Variants in JRK observed in about 807,000 individuals in gnomAD.
JRK encodes the protein jerky protein homolog.
For missense variants in JRK, 720 were observed against 509.2 expected (o/e 1.41, Z -3.98); for synonymous variants, 303 against 218.1 (o/e 1.39, Z -3.43).
chr8:142,661,085 C>T lies in JRK; in HGVS notation c.*3267G>A. 8 of 985,460 alleles carry T rather than the reference C, an allele frequency of 8.1e-6. No individual in the cohort carries two copies. Among genetic ancestry groups the T allele is most frequent in the African/African-American group, 1.7e-5 (1 of 57,360 alleles). 61.0% of individuals were successfully genotyped at this position (985,460 alleles called of 1,614,324 possible). A position where few individuals can be genotyped will look rare whatever the true frequency, so the allele number is the denominator to read the frequency against. ...GGGGCAGTCCAGGTGCTCTCCATCGCATGCTCAGCCATGGCTGAGCACGAA... is the reference window on the plus strand; with the variant it reads ...GGGGCAGTCCAGGTGCTCTCCATCGTATGCTCAGCCATGGCTGAGCACGAA... On this transcript the variant is annotated 3_prime_UTR_variant, in exon 2 of 2. Coordinates refer to ENST00000612905, the MANE Select transcript of JRK (RefSeq NM_003724.4).
intron 1 of JRK, among the ~76,000 whole-genome samples, chr8:142,667,819 C>T (rs1160912735): frequency 6.6e-6 from 1 of 152,208 alleles, no homozygotes; most frequent in Non-Finnish European, 1.5e-5. Context: ...GCGGGTCATT[C>T]TCATCCCTTC....
At position 142,664,425 on chromosome 8, in the gene JRK, T is replaced by G; in HGVS notation, c.1634A>C (p.Gln545Pro). 1 of 1,608,218 alleles carries G rather than the reference T, an allele frequency of 6.2e-7. No individual in the cohort carries two copies. Among genetic ancestry groups the G allele is most frequent in the Non-Finnish European group, 8.5e-7 (1 of 1,176,318 alleles). ...GGCCCCACAGCCACCAGGGCCCTCCTGGAGGGCTTCAACCTTGACCACAGC... is the reference window on the plus strand; with the variant it reads ...GGCCCCACAGCCACCAGGGCCCTCCGGGAGGGCTTCAACCTTGACCACAGC... ...LGAVVKVEAL[Q>P]EGPGGCGATA... Residue 545 changes from glutamine (Q) to proline (P), a missense_variant, in exon 2 of 2, where the codon CAG becomes CCG. By Grantham distance (76) the Gln-to-Pro change is moderately conservative. Transcript: ENST00000612905.
At chr8:142,667,432 GACACACACACACAC>G (rs59385009) in intron 1 of JRK, among the ~76,000 whole-genome samples, 70 of 146,932 alleles carry the variant, frequency 4.8e-4, no homozygotes, top group African/African-American at 1.1e-3. Flanking sequence ...CGGACACGGA[GACACACACACACAC>G]ACACACACAC....
At position 142,660,085 on chromosome 8, in the gene JRK, A is replaced by G. The variant is rs892153884; in HGVS notation, c.*4267T>C. On this transcript the variant is annotated 3_prime_UTR_variant, in exon 2 of 2. Coordinates refer to ENST00000612905, the MANE Select transcript of JRK (RefSeq NM_003724.4). ...GCAGCTCCTGGCCCTGCGGACAGCCAGGCCTGGGGTCTACAAGAGCTGGGC... is the reference window on the plus strand; with the variant it reads ...GCAGCTCCTGGCCCTGCGGACAGCCGGGCCTGGGGTCTACAAGAGCTGGGC... 2.9e-5 allele frequency: 29 copies of G among 985,590 alleles called. No homozygotes were observed. Among genetic ancestry groups the G allele is most frequent in the Non-Finnish European group, 3.0e-5 (25 of 830,114 alleles). 61.1% of individuals were successfully genotyped at this position (985,590 alleles called of 1,614,324 possible).
At chr8:142,654,801 C>T (rs587680425), downstream of JRK, among the ~76,000 whole-genome samples, 67 of 152,062 alleles carry the variant, frequency 4.4e-4, no homozygotes, top group African/African-American at 1.5e-3. Context: ...TGATTTGCTG[C>T]AGCCAAGAGC....
chr8:142,665,189 T>C lies in JRK; in HGVS notation c.870A>G (p.Glu290=), dbSNP rs956215130. The change falls in exon 2 of 2, where the codon GAA becomes GAG. Residue 290 remains glutamate, a synonymous_variant. Transcript: ENST00000612905. ...REHFRTIGLP[E]DSKAVLLLDS... Reference sequence around the variant, plus strand: ...CCAGCAAGAGAACGGCTTTGCTGTCTTCCGGCAAACCTATGGTTCTGAAGT... The same window carrying C: ...CCAGCAAGAGAACGGCTTTGCTGTCCTCCGGCAAACCTATGGTTCTGAAGT... The C allele has an allele frequency of 8.4e-6, 6 of 717,800 alleles. No homozygotes were observed. Among genetic ancestry groups the C allele is most frequent in the Non-Finnish European group, 1.6e-5 (6 of 385,102 alleles). The allele number at this position is 717,800 out of a possible 1,614,324, so 44.5% of individuals were successfully genotyped here. A position where few individuals can be genotyped will look rare whatever the true frequency, so the allele number is the denominator to read the frequency against.
chr8:142,663,836 C>A lies in JRK; in HGVS notation c.*516G>T. On this transcript the variant is annotated 3_prime_UTR_variant, in exon 2 of 2. Coordinates refer to ENST00000612905, the MANE Select transcript of JRK (RefSeq NM_003724.4). ...AACTGAGTCCCAGCTCTCGGGCCAT[C>A]GGACCTCAGGCAACCGTGCTCGGGG... is the stretch of plus-strand genomic sequence containing the variant. 1 of 987,184 alleles carries A rather than the reference C, an allele frequency of 1.0e-6. No individual in the cohort carries two copies. Among genetic ancestry groups the A allele is most frequent in the South Asian group, 4.7e-5 (1 of 21,330 alleles). The allele number at this position is 987,184 out of a possible 1,614,324, so 61.2% of individuals were successfully genotyped here.
chr8:142,666,193 C>T lies in JRK; in HGVS notation c.-135G>A. On this transcript the variant is annotated 5_prime_UTR_variant, in exon 2 of 2. Coordinates refer to ENST00000612905, the MANE Select transcript of JRK (RefSeq NM_003724.4). Reference sequence around the variant, plus strand: ...CACTCTGCCTGCCTGCTCTGCTGATCCTGAGCACAGGCCCCAGTCCCTCTC... The same window carrying T: ...CACTCTGCCTGCCTGCTCTGCTGATTCTGAGCACAGGCCCCAGTCCCTCTC... 3 of 1,461,836 alleles carry T rather than the reference C, an allele frequency of 2.1e-6. No individual in the cohort carries two copies. The highest frequency in any genetic ancestry group is 2.8e-6 in the Non-Finnish European group (3 of 1,072,648). The allele number at this position is 1,461,836 out of a possible 1,614,324, so 90.6% of individuals were successfully genotyped here.
rs104894081 is a variant in JRK at position 142,664,692 on chromosome 8, G to A, written c.1367C>T (p.Thr456Met). The A allele has an allele frequency of 7.6e-4, 1,225 of 1,609,526 alleles. No homozygotes were observed. The highest frequency in any genetic ancestry group is 9.5e-4 in the Non-Finnish European group (1,124 of 1,178,444). Residue 456 changes from threonine to methionine, a missense_variant, in exon 2 of 2, where the codon ACG becomes ATG. Thr to Met is a moderately conservative substitution (Grantham distance 81). Coordinates refer to ENST00000612905, the MANE Select transcript of JRK (RefSeq NM_003724.4). ...ACTCCACACAACCTCTGCTGGCGAC[G>A]TGGCAGCAGGGGGCCGTCCCCCTTC... Reference protein sequence around the residue: ...EAEGGRPPAATSPAEVVWSSE... With the variant: ...EAEGGRPPAAMSPAEVVWSSE...
rs1201129822 is a variant in JRK at position 142,661,052 on chromosome 8, C to T, written c.*3300G>A. 1.6e-5 allele frequency: 16 copies of T among 985,256 alleles called. No individual in the cohort carries two copies. Among genetic ancestry groups the T allele is most frequent in the African/African-American group, 8.7e-5 (5 of 57,214 alleles). 61.0% of individuals were successfully genotyped at this position (985,256 alleles called of 1,614,324 possible). A position where few individuals can be genotyped will look rare whatever the true frequency, so the allele number is the denominator to read the frequency against. On this transcript the variant is annotated 3_prime_UTR_variant, in exon 2 of 2. Coordinates refer to ENST00000612905, the MANE Select transcript of JRK (RefSeq NM_003724.4). ...CCCACTGGATAAGAACAGTGGCCTG[C>T]GACGTCAGGGGCAGTCCAGGTGCTC...
Position 142,664,685 on chromosome 8 carries a change from T to C in JRK, c.1374A>G (p.Pro458=). The C allele has an allele frequency of 6.2e-7, 1 of 1,610,480 alleles. No homozygotes were observed. Among genetic ancestry groups the C allele is most frequent in the Non-Finnish European group, 8.5e-7 (1 of 1,178,802 alleles). ...TTTCTGAACTCCACACAACCTCTGC[T>C]GGCGACGTGGCAGCAGGGGGCCGTC... ...EGGRPPAATS[P]AEVVWSSEKT... Residue 458 remains proline (P), a synonymous_variant, in exon 2 of 2, where the codon CCA becomes CCG. Coordinates refer to ENST00000612905, the MANE Select transcript of JRK (RefSeq NM_003724.4).
chr8:142,653,797 G>A (rs587715692), downstream of JRK, among the ~76,000 whole-genome samples: 1 of 152,174 alleles, frequency 6.6e-6, no homozygotes, highest in African/African-American at 2.4e-5. Flanking sequence ...CCCTATGATT[G>A]CATCCCTAGC....
At chr8:142,668,273 C>T (rs587751014) in intron 1 of JRK, among the ~76,000 whole-genome samples, 3 of 152,362 alleles carry the variant, frequency 2.0e-5, no homozygotes, top group African/African-American at 4.8e-5. Context: ...AGGAGGAGTG[C>T]AATCAAATGC....
chr8:142,658,656 G>GC lies in JRK; in HGVS notation c.*5695dup. The stretch of plus-strand genomic sequence containing the variant: ...ACCTAAGCCTAGTCACCTCCCAAAG[G>GC]CCCCACCTCCTAATACCACCCTCCT... On this transcript the variant is annotated 3_prime_UTR_variant, in exon 2 of 2. Transcript: ENST00000612905. 1.2e-6 allele frequency: 1 copy of GC among 850,736 alleles called. No homozygotes were observed. The highest frequency in any genetic ancestry group is 1.7e-6 in the Non-Finnish European group (1 of 597,548). The allele number at this position is 850,736 out of a possible 1,614,324, so 52.7% of individuals were successfully genotyped here. A position where few individuals can be genotyped will look rare whatever the true frequency, so the allele number is the denominator to read the frequency against.
chr8:142,666,020 C>A lies in JRK; in HGVS notation c.39G>T (p.Glu13Asp). The change falls in exon 2 of 2, where the codon GAG becomes GAT. Residue 13 changes from glutamate (E) to aspartate (D), a missense_variant. Transcript: ENST00000612905. ...GTGTCAGCACCACCCTCTTCCGCTTCTCCCCTCTGCTCTTCCCGGCAGCCG... is the reference window on the plus strand; with the variant it reads ...GTGTCAGCACCACCCTCTTCCGCTTATCCCCTCTGCTCTTCCCGGCAGCCG... ...SKPAAGKSRGEKRKRVVLTLK... is the reference protein window; with the variant it reads ...SKPAAGKSRGDKRKRVVLTLK... 3 of 1,508,124 alleles carry A rather than the reference C, an allele frequency of 2.0e-6. No homozygotes were observed. Among genetic ancestry groups the A allele is most frequent in the East Asian group, 2.3e-5 (1 of 44,366 alleles). The allele number at this position is 1,508,124 out of a possible 1,614,324, so 93.4% of individuals were successfully genotyped here.
chr8:142,649,517 C>T, the JRK span, among the ~76,000 whole-genome samples: 1 of 152,226 alleles, frequency 6.6e-6, no homozygotes, highest in African/African-American at 2.4e-5. Context: ...GTGACTTGCT[C>T]CTCGTTCCAT....
In JRK at chr8:142,664,789, C is replaced by A; in HGVS notation, c.1270G>T (p.Glu424Ter). ...AGCTGGCCCGGGCAGGAGGAGCCTT[C>A]CTTCACAAGCTCCAGGATGTGTGCA... The part of the protein sequence containing the change: ...SFAHILELVK[E>*]GSSCPGQLRQ... Residue 424 changes from glutamate (E) to a stop codon, truncating the protein, a stop_gained, in exon 2 of 2, where the codon GAA (glutamate) becomes TAA (stop). Coordinates refer to ENST00000612905, the MANE Select transcript of JRK (RefSeq NM_003724.4). LOFTEE classifies it low-confidence loss of function (END_TRUNC). The A allele has an allele frequency of 6.3e-7, 1 of 1,592,116 alleles. No homozygotes were observed. Among genetic ancestry groups the A allele is most frequent in the Non-Finnish European group, 8.5e-7 (1 of 1,169,974 alleles).
chr8:142,666,001 G>T lies in JRK; in HGVS notation c.58C>A (p.Leu20Met). Residue 20 changes from leucine to methionine, a missense_variant, in exon 2 of 2, where the codon CTG becomes ATG. Coordinates refer to ENST00000612905, the MANE Select transcript of JRK (RefSeq NM_003724.4). ...ATGTCAATCTTCTCCTTCAGTGTCA[G>T]CACCACCCTCTTCCGCTTCTCCCCT... is the stretch of plus-strand genomic sequence containing the variant. ...SRGEKRKRVV[L>M]TLKEKIDICT... is the part of the protein sequence containing the mutation. The T allele has an allele frequency of 7.2e-7, 1 of 1,383,334 alleles. No individual in the cohort carries two copies. The highest frequency in any genetic ancestry group is 1.0e-6 in the Non-Finnish European group (1 of 969,884). 85.7% of individuals were successfully genotyped at this position (1,383,334 alleles called of 1,614,324 possible).
chr8:142,667,677 GCTTTT>G (rs1847174719), intron 1 of JRK, among the ~76,000 whole-genome samples: 1 of 152,220 alleles, frequency 6.6e-6, no homozygotes. Flanking sequence ...CGAAAAGCTT[GCTTTT>G]AAGTTTCACA....
Sources: gnomAD v4.1 joint callset for allele counts (sites outside exome capture counted in the v4.1 genomes callset) on GRCh38, gnomAD v4.1.1 for gene constraint, MANE v1.5 for transcripts, NCBI Gene and HGNC (gene_info 2026-07-23, HGNC 2026-07-21) for gene names.